The following CFAP100 variants were observed in gnomAD, a reference collection of about 807,000 sequenced individuals.
CFAP100 encodes the protein cilia and flagella associated protein 100.
CFAP100 carries 70 observed loss-of-function variants against 81.5 expected under a neutral mutation model. The ratio of observed to expected loss-of-function variants is 0.86; its 90% CI spans 0.71 to 1.05. The LOEUF is 1.05. CFAP100 is among the 50% of genes least tolerant of loss of function. The pLI is 0.00. For synonymous variants in CFAP100, 341 were observed against 314.8 expected (o/e 1.08, Z -0.88); for missense variants, 811 against 776.5 (o/e 1.04, Z -0.53).
At chr3:126,433,865 T>C (rs1341236909) in intron 14 of CFAP100, 4 of 352,266 alleles carry the variant, frequency 1.1e-5, no homozygotes, top group Non-Finnish European at 2.1e-5. Flanking sequence ...AGAGAAGACA[T>C]AGCCCTGTGG....
intron 2 of CFAP100, among the ~76,000 whole-genome samples, chr3:126,401,190 G>A (rs2082973116): frequency 6.6e-6 from 1 of 151,886 alleles, no homozygotes; most frequent in Admixed American, 6.5e-5. Context: ...AGGGGAGGAT[G>A]GGGAGTTGTT....
intron 2 of CFAP100, among the ~76,000 whole-genome samples, chr3:126,406,602 G>T (rs1348204201): frequency 6.6e-6 from 1 of 152,244 alleles, no homozygotes; most frequent in African/African-American, 2.4e-5. Context: ...GAAACAGGGT[G>T]CTGGGGAGCC....
At chr3:126,429,791 G>C (rs1933137280) in intron 13 of CFAP100, among the ~76,000 whole-genome samples, 1 of 152,036 alleles carries the variant, frequency 6.6e-6, no homozygotes, top group Non-Finnish European at 1.5e-5. Flanking sequence ...TTTCGTGTTG[G>C]TATTTAGTAA....
chr3:126,422,346 G>A (rs932941710), intron 11 of CFAP100, among the ~76,000 whole-genome samples: 2 of 152,230 alleles, frequency 1.3e-5, no homozygotes, highest in African/African-American at 4.8e-5. Flanking sequence ...TGTTATCACA[G>A]CCTCTCCTGG....
chr3:126,428,330 G>C (rs1933042126), intron 13 of CFAP100, among the ~76,000 whole-genome samples: 1 of 151,946 alleles, frequency 6.6e-6, no homozygotes, highest in African/African-American at 2.4e-5. Flanking sequence ...GAAACTAAAA[G>C]AATCAGTGGT....
intron 11 of CFAP100, among the ~76,000 whole-genome samples, chr3:126,421,736 C>T (rs1251167586): frequency 6.6e-6 from 1 of 152,260 alleles, no homozygotes; most frequent in Non-Finnish European, 1.5e-5. Flanking sequence ...ACTGATGCTT[C>T]TCCAGTTGGA....
intron 2 of CFAP100, among the ~76,000 whole-genome samples, chr3:126,397,141 A>G (rs976941384): frequency 1.3e-5 from 2 of 152,134 alleles, no homozygotes; most frequent in African/African-American, 2.4e-5. Context: ...TAACCCATAC[A>G]TTGTAGAGAC....
chr3:126,420,480 A>G, intron 11 of CFAP100: 1 of 536,850 alleles, frequency 1.9e-6, no homozygotes, highest in Non-Finnish European at 3.3e-6. Flanking sequence ...TGTAAGGCTG[A>G]TTTGTTTTTG....
rs145466282 is a variant in CFAP100, at chr3:126,418,733, C to A, written c.609C>A (p.Phe203Leu). ...LEKDAALFDE[F>L]VRENDCSSVQ... Reference sequence around the variant, plus strand: ...AGGACGCCGCCTTGTTCGACGAGTTCGTCAGGGAGAATGACTGCAGCTCCG... The same window carrying A: ...AGGACGCCGCCTTGTTCGACGAGTTAGTCAGGGAGAATGACTGCAGCTCCG... The change falls in exon 7 of 17, where the codon TTC (phenylalanine) becomes TTA (leucine). Residue 203 changes from phenylalanine to leucine, a missense_variant. Coordinates refer to ENST00000352312, the MANE Select transcript of CFAP100 (RefSeq NM_182628.3). The A allele has an allele frequency of 6.3e-7, 1 of 1,597,316 alleles. No homozygotes were observed. The highest frequency in any genetic ancestry group is 1.7e-4 in the Middle Eastern group (1 of 5,986).
intron 2 of CFAP100, among the ~76,000 whole-genome samples, chr3:126,402,899 G>A (rs188258134): frequency 6.6e-6 from 1 of 152,218 alleles, no homozygotes; most frequent in East Asian, 1.9e-4. Flanking sequence ...TGATGGTGAG[G>A]GTGCAGGTGG....
chr3:126,412,944 T>C (rs1419431234), intron 3 of CFAP100, among the ~76,000 whole-genome samples: 1 of 152,270 alleles, frequency 6.6e-6, no homozygotes, highest in African/African-American at 2.4e-5. Context: ...TGGCAAGTGC[T>C]GGATGCTTGC....
At chr3:126,395,857 A>C in intron 1 of CFAP100, 85 bp from the exon 2 acceptor site, 1 of 668,310 alleles carries the variant, frequency 1.5e-6, no homozygotes, top group Non-Finnish European at 2.6e-6. Flanking sequence ...AGCCCTCAGC[A>C]AATGTCGGTG....
rs533388902 is a variant in CFAP100, at chr3:126,408,889, A to G, written c.130+1637A>G. On this transcript the variant is annotated intron_variant, in intron 3 of 16. Coordinates refer to ENST00000352312, the MANE Select transcript of CFAP100 (RefSeq NM_182628.3). Reference sequence around the variant, plus strand: ...CTGCAGCCTCAACCTCCTGGGTTTAAGCGATCCTCCTGCTTCAGCCTGCCG... The same window carrying G: ...CTGCAGCCTCAACCTCCTGGGTTTAGGCGATCCTCCTGCTTCAGCCTGCCG... Among the ~76,000 whole-genome samples the G allele has an allele frequency of 2.0e-5, 3 of 152,228 alleles. No individual in the cohort carries two copies. In the South Asian group the frequency reaches 6.2e-4, roughly 32 times the overall value.
At chr3:126,434,937 C>T (rs1008051514) in intron 15 of CFAP100, among the ~76,000 whole-genome samples, 2 of 152,132 alleles carry the variant, frequency 1.3e-5, no homozygotes, top group Non-Finnish European at 2.9e-5. Flanking sequence ...TGGGCAGCAG[C>T]TTGCTATCTG....
chr3:126,423,435 A>AC, intron 12 of CFAP100, 58 bp from the exon 13 acceptor site: 2 of 1,601,824 alleles, frequency 1.2e-6, no homozygotes, highest in Admixed American at 3.4e-5. Context: ...CCCTGCCCCC[A>AC]CCCCTGCCCC....
chr3:126,412,416 C>T (rs766165365), intron 3 of CFAP100, among the ~76,000 whole-genome samples: 6 of 152,286 alleles, frequency 3.9e-5, no homozygotes, highest in African/African-American at 4.8e-5. Flanking sequence ...GATTAGGGCA[C>T]GGGCATCTTT....
intron 4 of CFAP100, among the ~76,000 whole-genome samples, chr3:126,415,807 T>A (rs1359236658): frequency 6.6e-6 from 1 of 151,736 alleles, no homozygotes; most frequent in Non-Finnish European, 1.5e-5. Flanking sequence ...CCTCCGAAAG[T>A]TTTCTCCCAA....
chr3:126,436,281 T>C lies in CFAP100; in HGVS notation c.1723-10T>C. 6 of 1,610,518 alleles carry C rather than the reference T, an allele frequency of 3.7e-6. No homozygotes were observed. Among genetic ancestry groups the C allele is most frequent in the Non-Finnish European group, 5.1e-6 (6 of 1,177,344 alleles). On this transcript the variant is annotated splice_polypyrimidine_tract_variant and intron_variant, in intron 16 of 16. Transcript: ENST00000352312. ...GGCAGCAAGGCTCACTGGGCTTGTT[T>C]CCCCTGCAGAGAGGCAGGACACTGG...
intron 2 of CFAP100, among the ~76,000 whole-genome samples, chr3:126,401,781 G>A (rs970995538): frequency 9.9e-5 from 15 of 152,112 alleles, no homozygotes; most frequent in Non-Finnish European, 1.5e-4. Context: ...GCCCAATTCC[G>A]TGGGGAACAT....
Sources: gnomAD v4.1 joint callset for allele counts (sites outside exome capture counted in the v4.1 genomes callset) on GRCh38, gnomAD v4.1.1 for gene constraint, MANE v1.5 for transcripts, NCBI Gene and HGNC (gene_info 2026-07-23, HGNC 2026-07-21) for gene names.